NALF1: variants seen among roughly 807,000 people sequenced by gnomAD.
The protein encoded by NALF1 is family with sequence similarity 155 member A.
NALF1 carries 3 observed loss-of-function variants against 48.4 expected under a neutral mutation model. That is an observed-to-expected ratio of 0.06 (90% confidence interval 0.03 to 0.16). NALF1 has a LOEUF of 0.16. Among genes scored for constraint, NALF1 ranks in the 10% least tolerant of loss-of-function variants. The probability of loss-of-function intolerance (pLI) is 1.00; values close to 1 mark genes in which losing one functional copy is unlikely to be tolerated. For synonymous variants in NALF1, 262 were observed against 245.7 expected, an observed-to-expected ratio of 1.07 and a Z score of -0.62; for missense variants, 526 against 571.5, an observed-to-expected ratio of 0.92 and a Z score of 0.81.
At chr13:107,390,906 A>C (rs953806287) in intron 1 of NALF1, among the ~76,000 whole-genome samples, 1 of 149,428 alleles carries the variant, frequency 6.7e-6, no homozygotes, top group Non-Finnish European at 1.5e-5. Context: ...TAATAATAAT[A>C]ATAGAGGCTG....
chr13:107,671,104 A>C (rs1168829970), intron 1 of NALF1, among the ~76,000 whole-genome samples: 1 of 152,170 alleles, frequency 6.6e-6, no homozygotes, highest in Non-Finnish European at 1.5e-5. Context: ...AAAGTAAATA[A>C]AATTTTCACT....
intron 1 of NALF1, among the ~76,000 whole-genome samples, chr13:107,346,819 G>A (rs1016256949): frequency 6.6e-6 from 1 of 152,084 alleles, no homozygotes; most frequent in African/African-American, 2.4e-5. Context: ...GCCACATGAG[G>A]ACAATCTAAA....
In NALF1 at chr13:107,848,049, CTCAA is replaced by C. The variant is rs202092363; in HGVS notation, c.915+17629_915+17632del. 1.8e-3 allele frequency among the ~76,000 whole-genome samples: 281 copies of C among 152,270 alleles called. 15 individuals carry two copies. The East Asian group carries it at 0.025, about 13-fold the overall frequency. On this transcript the variant is annotated intron_variant, in intron 1 of 2. Transcript: ENST00000375915. The stretch of plus-strand genomic sequence containing the variant: ...ACCACTCTATTGAATCAAAAGTGTA[CTCAA>C]TCAGTCAGAAAACTAATTCATGCTT...
chr13:107,615,345 C>T (rs938924595), intron 1 of NALF1, among the ~76,000 whole-genome samples: 2 of 152,090 alleles, frequency 1.3e-5, no homozygotes, highest in African/African-American at 2.4e-5. Context: ...ACCATGTTGG[C>T]GGGTCTGCTC....
At chr13:107,462,293 T>C (rs570072744) in intron 1 of NALF1, among the ~76,000 whole-genome samples, 3 of 152,216 alleles carry the variant, frequency 2.0e-5, no homozygotes, top group Admixed American at 6.5e-5. Context: ...TTTTGCCTGG[T>C]TCTCTAAAAT....
chr13:107,183,457 T>C (rs1460999989), intron 2 of NALF1, among the ~76,000 whole-genome samples: 1 of 152,176 alleles, frequency 6.6e-6, no homozygotes, highest in African/African-American at 2.4e-5. Flanking sequence ...GATCTAGAAC[T>C]AGAAATACCA....
At chr13:107,253,524 C>A (rs1880747231) in intron 1 of NALF1, among the ~76,000 whole-genome samples, 1 of 152,152 alleles carries the variant, frequency 6.6e-6, no homozygotes, top group Non-Finnish European at 1.5e-5. Flanking sequence ...TCTCCGTGTC[C>A]TCAGCATCTC....
intron 1 of NALF1, among the ~76,000 whole-genome samples, chr13:107,576,127 C>T (rs1018081001): frequency 2.0e-5 from 3 of 152,110 alleles, no homozygotes; most frequent in African/African-American, 7.2e-5. Flanking sequence ...TCATTATGTT[C>T]TCTGCCCTAC....
chr13:107,778,586 G>GT (rs770687307), intron 1 of NALF1, among the ~76,000 whole-genome samples: 25 of 151,104 alleles, frequency 1.7e-4, no homozygotes, highest in Middle Eastern at 3.4e-3. Flanking sequence ...AACAGGAGTT[G>GT]TTTTTTTTCT....
chr13:107,833,132 C>CA (rs1291585382), intron 1 of NALF1, among the ~76,000 whole-genome samples: 1 of 151,782 alleles, frequency 6.6e-6, no homozygotes, highest in Non-Finnish European at 1.5e-5. Flanking sequence ...GAAGCCCTCT[C>CA]AGATGGTCCC....
chr13:107,488,627 A>G (rs1352599879), intron 1 of NALF1, among the ~76,000 whole-genome samples: 4 of 152,170 alleles, frequency 2.6e-5, no homozygotes, highest in Admixed American at 6.6e-5. Flanking sequence ...CATACTTTAA[A>G]ATAATAAGAG....
chr13:107,737,179 T>A (rs1876491702), intron 1 of NALF1, among the ~76,000 whole-genome samples: 1 of 152,202 alleles, frequency 6.6e-6, no homozygotes, highest in Non-Finnish European at 1.5e-5. Context: ...CAGTGTCTTC[T>A]TAGTAGCCAT....
chr13:107,198,953 A>G (rs1879451274), intron 2 of NALF1, among the ~76,000 whole-genome samples: 2 of 152,336 alleles, frequency 1.3e-5, no homozygotes, highest in South Asian at 4.1e-4. Flanking sequence ...CCTAACTCCC[A>G]GTACGCTAAC....
At chr13:107,206,719 G>T (rs1014975162) in intron 2 of NALF1, among the ~76,000 whole-genome samples, 12 of 152,174 alleles carry the variant, frequency 7.9e-5, no homozygotes, top group Non-Finnish European at 1.3e-4. Flanking sequence ...AGAACGCTAA[G>T]AAAAGGAATC....
intron 1 of NALF1, among the ~76,000 whole-genome samples, chr13:107,612,488 G>A (rs1025870481): frequency 2.0e-5 from 3 of 152,062 alleles, no homozygotes; most frequent in African/African-American, 7.2e-5. Flanking sequence ...GTGTGTCTAC[G>A]CTAGTGTTTC....
At chr13:107,512,116 T>C (rs1248078934) in intron 1 of NALF1, among the ~76,000 whole-genome samples, 3 of 152,190 alleles carry the variant, frequency 2.0e-5, no homozygotes, top group Non-Finnish European at 4.4e-5. Flanking sequence ...TTACTTTGGC[T>C]GGGTGTCGTG....
chr13:107,834,308 A>G (rs780002208), intron 1 of NALF1, among the ~76,000 whole-genome samples: 1 of 152,208 alleles, frequency 6.6e-6, no homozygotes, highest in African/African-American at 2.4e-5. Flanking sequence ...ACTGTGGTCA[A>G]TTAGACCACT....
At chr13:107,856,946 G>A (rs1201780098) in intron 1 of NALF1, among the ~76,000 whole-genome samples, 1 of 152,146 alleles carries the variant, frequency 6.6e-6, no homozygotes, top group Admixed American at 6.5e-5. Flanking sequence ...CTTATGTAGA[G>A]CAGAGATCTT....
intron 1 of NALF1, among the ~76,000 whole-genome samples, chr13:107,579,633 G>T: frequency 6.8e-6 from 1 of 147,932 alleles, no homozygotes; most frequent in Non-Finnish European, 1.5e-5. Context: ...ATTTTTATTT[G>T]ACAATTAAGC....
Sources: gnomAD v4.1 joint callset for allele counts (sites outside exome capture counted in the v4.1 genomes callset) on GRCh38, gnomAD v4.1.1 for gene constraint, MANE v1.5 for transcripts, NCBI Gene and HGNC (gene_info 2026-07-23, HGNC 2026-07-21) for gene names.